The following ADK variants were observed in gnomAD, a reference collection of about 807,000 sequenced individuals.
The protein encoded by ADK is adenosine kinase, also known as N6,N6-dimethyladenosine kinase.
Under a neutral mutation model 44.7 loss-of-function variants are expected in ADK, and 24 were observed. That is an observed-to-expected ratio of 0.54 (90% CI 0.39 to 0.76). The LOEUF (loss-of-function observed/expected upper bound fraction) is 0.76. Among genes scored for constraint, ADK ranks in the 30% least tolerant of loss-of-function variants. ADK has a pLI of 0.00. For synonymous variants in ADK, 128 were observed against 142.6 expected (o/e 0.90, Z 0.73); for missense variants, 321 against 425.1 (o/e 0.76, Z 2.15).
At chr10:74,262,056 C>T (rs1026658207) in intron 3 of ADK, among the ~76,000 whole-genome samples, 1 of 152,144 alleles carries the variant, frequency 6.6e-6, no homozygotes, top group African/African-American at 2.4e-5. Context: ...TGGTGGCTCA[C>T]ACCTGTAATC....
At chr10:74,408,048 C>T (rs1401247305) in intron 6 of ADK, among the ~76,000 whole-genome samples, 5 of 151,698 alleles carry the variant, frequency 3.3e-5, no homozygotes, top group African/African-American at 4.8e-5. Context: ...GACACAATCT[C>T]GGCTCACTGC....
At chr10:74,569,831 G>A (rs1429290602) in intron 7 of ADK, among the ~76,000 whole-genome samples, 1 of 152,168 alleles carries the variant, frequency 6.6e-6, no homozygotes, top group Non-Finnish European at 1.5e-5. Context: ...TGGTGTCTTA[G>A]ATTTGAAGTC....
intron 9 of ADK, among the ~76,000 whole-genome samples, chr10:74,640,324 T>G (rs1390644434): frequency 6.6e-6 from 1 of 152,206 alleles, no homozygotes; most frequent in Admixed American, 6.5e-5. Flanking sequence ...GTTACCCAGG[T>G]GTTGAAAAAA....
intron 10 of ADK, among the ~76,000 whole-genome samples, chr10:74,676,107 T>C (rs1233370844): frequency 6.6e-6 from 1 of 152,034 alleles, no homozygotes; most frequent in Non-Finnish European, 1.5e-5. Flanking sequence ...TAGAAGATTT[T>C]ACTTTGTTGG....
chr10:74,698,730 G>T (rs1160496190), intron 10 of ADK, among the ~76,000 whole-genome samples: 1 of 151,028 alleles, frequency 6.6e-6, no homozygotes, highest in Non-Finnish European at 1.5e-5. Flanking sequence ...CTAAATTTTT[G>T]AATTTTTTTG....
chr10:74,488,882 C>T (rs553407767), intron 6 of ADK, among the ~76,000 whole-genome samples: 24 of 151,926 alleles, frequency 1.6e-4, no homozygotes, highest in African/African-American at 5.8e-4. Context: ...CCACAACTTA[C>T]CACCTTTGTG....
At chr10:74,602,008 T>C (rs754853380) in intron 9 of ADK, among the ~76,000 whole-genome samples, 5 of 145,320 alleles carry the variant, frequency 3.4e-5, no homozygotes, top group African/African-American at 7.8e-5. Flanking sequence ...GGGAGGCTGA[T>C]GCAAGAAGAT....
intron 3 of ADK, among the ~76,000 whole-genome samples, chr10:74,283,915 T>C (rs1847051971): frequency 6.6e-6 from 1 of 151,830 alleles, no homozygotes; most frequent in Non-Finnish European, 1.5e-5. Context: ...CTCCTGACCT[T>C]GTGATCCGCC....
At chr10:74,262,661 T>TTCATTTATTCATTA (rs58528792) in intron 3 of ADK, among the ~76,000 whole-genome samples, 97,547 of 151,764 alleles carry the variant, frequency 0.64, 32,693 homozygotes, top group Middle Eastern at 0.79. Flanking sequence ...CATTCATGTA[T>TTCATTTATTCATTA]TCATTTATTC....
chr10:74,180,205 C>CTTT (rs200038420), intron 1 of ADK, among the ~76,000 whole-genome samples: 3 of 132,230 alleles, frequency 2.3e-5, no homozygotes, highest in South Asian at 2.3e-4. Flanking sequence ...TTTCTCTTTT[C>CTTT]TTTTTATTAT....
intron 3 of ADK, among the ~76,000 whole-genome samples, chr10:74,290,184 C>T (rs935341326): frequency 2.0e-5 from 3 of 151,786 alleles, no homozygotes; most frequent in Middle Eastern, 3.2e-3. Flanking sequence ...TTTTTTCCTT[C>T]GGTTCGTTCT....
chr10:74,165,066 G>A (rs897752333), intron 1 of ADK, among the ~76,000 whole-genome samples: 1 of 152,104 alleles, frequency 6.6e-6, no homozygotes, highest in African/African-American at 2.4e-5. Context: ...GGGAGGAGAT[G>A]CCTAAGAGTG....
At chr10:74,642,436 C>A (rs1406675196) in intron 9 of ADK, among the ~76,000 whole-genome samples, 1 of 150,070 alleles carries the variant, frequency 6.7e-6, no homozygotes, top group Non-Finnish European at 1.5e-5. Context: ...AACTTCTGGG[C>A]TCAAGCAATC....
intron 3 of ADK, among the ~76,000 whole-genome samples, chr10:74,235,797 A>T (rs2132282178): frequency 6.6e-6 from 1 of 152,308 alleles, no homozygotes; most frequent in South Asian, 2.1e-4. Context: ...CAGTAATAAG[A>T]GGTGGAGGCC....
intron 4 of ADK, among the ~76,000 whole-genome samples, chr10:74,386,616 C>T (rs1843149564): frequency 1.3e-5 from 2 of 152,050 alleles, no homozygotes; most frequent in South Asian, 2.1e-4. Context: ...ACTCTTTGCT[C>T]GAAAACCTTC....
intron 9 of ADK, among the ~76,000 whole-genome samples, chr10:74,662,115 A>G (rs1024021980): frequency 1.3e-5 from 2 of 152,298 alleles, no homozygotes; most frequent in East Asian, 3.9e-4. Flanking sequence ...TAATCCATAT[A>G]ATAGTCACAG....
At chr10:74,292,484 T>G (rs1164415246) in intron 3 of ADK, among the ~76,000 whole-genome samples, 1 of 152,190 alleles carries the variant, frequency 6.6e-6, no homozygotes, top group Non-Finnish European at 1.5e-5. Context: ...TTTGAGAAGT[T>G]AGGGGACTTG....
At chr10:74,343,269 T>C (rs1048244124) in intron 4 of ADK, among the ~76,000 whole-genome samples, 1 of 152,194 alleles carries the variant, frequency 6.6e-6, no homozygotes, top group African/African-American at 2.4e-5. Context: ...GTATAACTTT[T>C]GATTCTCCCA....
chr10:74,522,886 G>T (rs1277097362), intron 6 of ADK, among the ~76,000 whole-genome samples: 1 of 151,852 alleles, frequency 6.6e-6, no homozygotes, highest in African/African-American at 2.4e-5. Context: ...TTCTCCAATA[G>T]ATCCTTTTCT....
Sources: allele counts gnomAD v4.1 joint callset (sites outside exome capture counted in the v4.1 genomes callset), GRCh38; gene constraint gnomAD v4.1.1; transcripts MANE v1.5; gene names NCBI Gene and HGNC (gene_info 2026-07-23, HGNC 2026-07-21).